Variants in NPTN observed in about 807,000 individuals in gnomAD.
NPTN encodes the protein neuroplastin, also known as SDR-1.
A neutral mutation model predicts 42.7 loss-of-function variants in NPTN; 5 were observed. That is an observed-to-expected ratio of 0.12 (90% confidence interval 0.06 to 0.25). The LOEUF (loss-of-function observed/expected upper bound fraction) is 0.25. Ranked by LOEUF, NPTN falls within the 10% of genes least tolerant of loss-of-function variation. The pLI is 1.00. For missense variants in NPTN, 307 were observed against 525.4 expected, an observed-to-expected ratio of 0.58 and a Z score of 4.06; for synonymous variants, 180 against 201.9, an observed-to-expected ratio of 0.89 and a Z score of 0.92.
intron 1 of NPTN, among the ~76,000 whole-genome samples, chr15:73,610,232 G>A (rs565491401): frequency 5.3e-5 from 8 of 152,166 alleles, no homozygotes; most frequent in African/African-American, 1.9e-4. Flanking sequence ...GACTACAGGT[G>A]TGTGCCACCC....
At chr15:73,580,469 T>G (rs1339233573) in intron 4 of NPTN, among the ~76,000 whole-genome samples, 1,964 of 135,122 alleles carry the variant, frequency 0.015, 123 homozygotes, top group African/African-American at 0.055. Context: ...CAAAATATAT[T>G]TATATATACA....
At chr15:73,593,817 A>G (rs1171303396) in intron 2 of NPTN, among the ~76,000 whole-genome samples, 3 of 152,242 alleles carry the variant, frequency 2.0e-5, no homozygotes, top group Non-Finnish European at 4.4e-5. Context: ...AACATCAAAC[A>G]GGGTCTCTAT....
intron 1 of NPTN, among the ~76,000 whole-genome samples, chr15:73,629,797 T>C (rs1898635856): frequency 1.3e-5 from 2 of 149,632 alleles, no homozygotes; most frequent in South Asian, 2.1e-4. Flanking sequence ...TAATACTCTA[T>C]GAGAAAGTGA....
chr15:73,623,870 G>A (rs146961930), intron 1 of NPTN, among the ~76,000 whole-genome samples: 40 of 152,226 alleles, frequency 2.6e-4, no homozygotes, highest in Middle Eastern at 3.4e-3. Context: ...TGGTTCTGAC[G>A]ATGAGTGCAA....
chr15:73,609,812 G>T (rs942488954), intron 1 of NPTN, among the ~76,000 whole-genome samples: 9 of 149,070 alleles, frequency 6.0e-5, no homozygotes, highest in Non-Finnish European at 1.3e-4. Context: ...GGGATACATA[G>T]TGAAGTTTCA....
In NPTN at chr15:73,573,670, T is replaced by G; in HGVS notation, c.832A>C (p.Met278Leu). The G allele has an allele frequency of 6.3e-7, 1 of 1,578,204 alleles. No homozygotes were observed. The highest frequency in any genetic ancestry group is 8.6e-7 in the Non-Finnish European group (1 of 1,165,096). ...DWIWRKKENG[M>L]PMDIVNTSGR... The stretch of plus-strand genomic sequence containing the variant: ...GCCTGCCTCCTACTCACCATGGGCA[T>G]CCCGTTCTCCTTCTTGCGCCATATC... Residue 278 changes from methionine to leucine, a missense_variant, in exon 5 of 9, where the codon ATG (methionine) becomes CTG (leucine). Coordinates refer to ENST00000345330, the MANE Select transcript of NPTN (RefSeq NM_012428.4).
intron 1 of NPTN, among the ~76,000 whole-genome samples, chr15:73,615,841 C>T (rs182216108): frequency 6.6e-5 from 10 of 152,114 alleles, no homozygotes; most frequent in African/African-American, 1.9e-4. Flanking sequence ...TAAAATGATA[C>T]GCCCCTAAGA....
intron 1 of NPTN, among the ~76,000 whole-genome samples, chr15:73,609,303 C>T (rs770669139): frequency 7.2e-5 from 11 of 152,168 alleles, no homozygotes; most frequent in Non-Finnish European, 1.3e-4. Flanking sequence ...CATTAGACTT[C>T]GCTTGAGTAG....
rs1369298926 is a variant in NPTN, at chr15:73,619,081, AT to A, written c.91+14043del. 1.2e-3 allele frequency among the ~76,000 whole-genome samples: 181 copies of A among 150,580 alleles called. 1 individual carries two copies. Among genetic ancestry groups the A allele is most frequent in the African/African-American group, 4.3e-3 (177 of 40,940 alleles). On this transcript the variant is annotated intron_variant, in intron 1 of 8. Transcript: ENST00000345330. ...CTGTCTCAAAAAAAAAAAAAAAAAA[AT>A]AGTAACAATAAATTAACTTAAATTA...
intron 4 of NPTN, among the ~76,000 whole-genome samples, chr15:73,574,800 T>G (rs976706951): frequency 1.3e-5 from 2 of 152,170 alleles, no homozygotes; most frequent in African/African-American, 4.8e-5. Flanking sequence ...TAGAAGGAAT[T>G]TCAAGACATG....
chr15:73,598,473 A>T (rs938389177), intron 1 of NPTN, among the ~76,000 whole-genome samples: 2 of 121,438 alleles, frequency 1.6e-5, no homozygotes, highest in Non-Finnish European at 3.6e-5. Flanking sequence ...AGAAAGAGTT[A>T]AAAAAAAAAA....
At chr15:73,627,946 C>A (rs1468641617) in intron 1 of NPTN, among the ~76,000 whole-genome samples, 2 of 151,810 alleles carry the variant, frequency 1.3e-5, no homozygotes, top group Non-Finnish European at 2.9e-5. Flanking sequence ...ATTAATTTTA[C>A]TGGAGGGGTT....
intron 4 of NPTN, among the ~76,000 whole-genome samples, chr15:73,582,111 T>A (rs1896078763): frequency 6.6e-6 from 1 of 152,206 alleles, no homozygotes; most frequent in Non-Finnish European, 1.5e-5. Flanking sequence ...AGTGCTGGGA[T>A]TACAGGCTCA....
In NPTN at chr15:73,587,573, T is replaced by C. The variant is rs745662550; in HGVS notation, c.657A>G (p.Val219=). The change falls in exon 4 of 9, where the codon GTA becomes GTG. Residue 219 remains valine (V), a synonymous_variant. Transcript: ENST00000345330. ...CTTTAGGAGCGCTGACAAAGTGATA[T>C]ACGCAGTGGTATTCGCCTGAATCCT... ...RAEDSGEYHC[V]YHFVSAPKAN... is the part of the protein sequence containing the mutation. The C allele has an allele frequency of 6.8e-6, 11 of 1,614,010 alleles. No homozygotes were observed. The South Asian group carries it at 1.1e-4, about 16-fold the overall frequency.
intron 1 of NPTN, among the ~76,000 whole-genome samples, chr15:73,613,095 A>C (rs1432132393): frequency 6.6e-6 from 1 of 152,244 alleles, no homozygotes; most frequent in Non-Finnish European, 1.5e-5. Flanking sequence ...TGTAAGATTA[A>C]GCAATTAGAG....
chr15:73,563,118 A>G, intron 7 of NPTN, 118 bp downstream of exon 7: 1 of 749,394 alleles, frequency 1.3e-6, no homozygotes, highest in Non-Finnish European at 2.3e-6. Context: ...TCTACACTGC[A>G]ACCTTCATTT....
chr15:73,633,022 C>T (rs1898846192), intron 1 of NPTN, 103 bp downstream of exon 1: 2 of 842,380 alleles, frequency 2.4e-6, no homozygotes, highest in Non-Finnish European at 3.3e-6. Flanking sequence ...GCCCACTCGG[C>T]CCCCTTCCCC....
chr15:73,586,551 T>A (rs1032210221), intron 4 of NPTN, among the ~76,000 whole-genome samples: 2 of 152,218 alleles, frequency 1.3e-5, no homozygotes, highest in African/African-American at 4.8e-5. Flanking sequence ...AATGGAAACT[T>A]TGAATGTGTC....
At chr15:73,598,671 C>T (rs1409667582) in intron 1 of NPTN, among the ~76,000 whole-genome samples, 1 of 152,164 alleles carries the variant, frequency 6.6e-6, no homozygotes, top group East Asian at 1.9e-4. Flanking sequence ...GAAACGTCCC[C>T]TGGGAGGCCT....
Sources: gnomAD v4.1 joint callset for allele counts (sites outside exome capture counted in the v4.1 genomes callset) on GRCh38, gnomAD v4.1.1 for gene constraint, MANE v1.5 for transcripts, NCBI Gene and HGNC (gene_info 2026-07-23, HGNC 2026-07-21) for gene names.